The following FLVCR2 variants were observed in gnomAD, a reference collection of about 807,000 sequenced individuals.
The protein encoded by FLVCR2 is choline/ethanolamine transporter FLVCR2.
A neutral mutation model predicts 48.9 loss-of-function variants in FLVCR2; 38 were observed. The observed-to-expected ratio is 0.78, with a 90% CI of 0.60 to 1.02. The LOEUF is 1.02. FLVCR2 is among the 50% of genes least tolerant of loss of function. The pLI is 0.00. For missense variants in FLVCR2, 664 were observed against 663.3 expected, an observed-to-expected ratio of 1.00 and a Z score of -0.01; for synonymous variants, 255 against 257.0, an observed-to-expected ratio of 0.99 and a Z score of 0.07.
chr14:75,638,883 TC>T (rs1310297739), intron 5 of FLVCR2, among the ~76,000 whole-genome samples: 1 of 152,192 alleles, frequency 6.6e-6, no homozygotes, highest in East Asian at 1.9e-4. Context: ...TCAGTGTCCA[TC>T]ACCCTCATGG....
At position 75,584,697 on chromosome 14, in the gene FLVCR2, G is replaced by A. The variant is rs576091931; in HGVS notation, c.669+5056G>A. Among the ~76,000 whole-genome samples the A allele has an allele frequency of 3.9e-5, 6 of 152,288 alleles. No individual in the cohort carries two copies. The South Asian group carries it at 1.2e-3, about 32-fold the overall frequency. On this transcript the variant is annotated intron_variant, in intron 1 of 9. Transcript: ENST00000238667. ...TCCTGGAGGTCTGGCTCGTGAAGCCGGCAGTTATCAGCGTGAGATTGGGCT... is the reference window on the plus strand; with the variant it reads ...TCCTGGAGGTCTGGCTCGTGAAGCCAGCAGTTATCAGCGTGAGATTGGGCT...
Position 75,603,519 on chromosome 14 carries a change from C to CTTTATTTATTTT in FLVCR2, c.670-18560_670-18559insTTTATTTATTTT, listed in dbSNP as rs1380850388. 9.8e-5 allele frequency among the ~76,000 whole-genome samples: 15 copies of CTTTATTTATTTT among 152,340 alleles called. No individual in the cohort carries two copies. The East Asian group carries it at 2.9e-3, about 29-fold the overall frequency. On this transcript the variant is annotated intron_variant, in intron 1 of 9. Transcript: ENST00000238667. ...CTTCTATCGGCAATAAAATCCTCTG[C>CTTTATTTATTTT]ATTTACCATCTTTCAATTCGTTTGT... is the stretch of plus-strand genomic sequence containing the variant.
At chr14:75,628,831 C>T (rs1206073135) in intron 3 of FLVCR2, among the ~76,000 whole-genome samples, 4 of 152,200 alleles carry the variant, frequency 2.6e-5, no homozygotes, top group African/African-American at 9.7e-5. Context: ...TTGGAGTGTT[C>T]TGAATGGAAG....
Position 75,578,947 on chromosome 14 carries a change from C to T in FLVCR2, c.-26C>T, listed in dbSNP as rs1205098213. The T allele has an allele frequency of 1.2e-6, 2 of 1,613,034 alleles. No homozygotes were observed. The highest frequency in any genetic ancestry group is 2.2e-5 in the East Asian group (1 of 44,876). The stretch of plus-strand genomic sequence containing the variant: ...GACTGCCGGAGTCCTCACCACTTCT[C>T]CAGGATTCCAGAGGAGACTGTGGCG... On this transcript the variant is annotated 5_prime_UTR_variant, in exon 1 of 10. Coordinates refer to ENST00000238667, the MANE Select transcript of FLVCR2 (RefSeq NM_017791.3).
chr14:75,633,694 C>T lies in FLVCR2; in HGVS notation c.1018C>T (p.Pro340Ser), dbSNP rs1050918092. Residue 340 changes from proline (P) to serine (S), a missense_variant and splice_region_variant, in exon 4 of 10, where the codon CCG (proline) becomes TCG (serine). Physicochemically the swap from Pro to Ser is moderately conservative, Grantham distance 74. Coordinates refer to ENST00000238667, the MANE Select transcript of FLVCR2 (RefSeq NM_017791.3). ...GAATCGCATGGTGATCTGGCACTAC[C>T]CGGTAAGGGAGTTCCCTAAGCATGT... ...LLNRMVIWHY[P>S]GEEVNAGRIG... 5.0e-6 allele frequency: 8 copies of T among 1,612,070 alleles called. No individual in the cohort carries two copies. In the South Asian group the frequency reaches 7.7e-5, roughly 15 times the overall value.
chr14:75,607,120 G>T (rs529368674), intron 1 of FLVCR2, among the ~76,000 whole-genome samples: 1 of 152,252 alleles, frequency 6.6e-6, no homozygotes, highest in Non-Finnish European at 1.5e-5. Flanking sequence ...AGCCATGTTT[G>T]GGGCCTCCAG....
intron 5 of FLVCR2, among the ~76,000 whole-genome samples, chr14:75,636,902 T>G (rs1237754869): frequency 6.6e-6 from 1 of 152,222 alleles, no homozygotes; most frequent in Non-Finnish European, 1.5e-5. Context: ...AGCTTCATCC[T>G]GGTGAGCTTG....
chr14:75,633,014 A>G, intron 3 of FLVCR2: 1 of 701,780 alleles, frequency 1.4e-6, no homozygotes, highest in Non-Finnish European at 2.6e-6. Flanking sequence ...CTTATTCGCT[A>G]AAGATACAGC....
At chr14:75,591,528 G>A (rs781341750) in intron 1 of FLVCR2, among the ~76,000 whole-genome samples, 3 of 152,224 alleles carry the variant, frequency 2.0e-5, no homozygotes, top group Non-Finnish European at 4.4e-5. Flanking sequence ...GCTGGACATA[G>A]CCCACATGGC....
intron 1 of FLVCR2, among the ~76,000 whole-genome samples, chr14:75,598,272 A>G (rs1353994842): frequency 6.6e-6 from 1 of 152,144 alleles, no homozygotes; most frequent in Non-Finnish European, 1.5e-5. Flanking sequence ...CACCTGAGGT[A>G]CTGAAAACGT....
At chr14:75,581,469 G>A (rs1479794712) in intron 1 of FLVCR2, among the ~76,000 whole-genome samples, 1 of 152,136 alleles carries the variant, frequency 6.6e-6, no homozygotes, top group Non-Finnish European at 1.5e-5. Context: ...GACGGTAAGG[G>A]GTATGAAGGT....
At position 75,578,800 on chromosome 14, in the gene FLVCR2, C is replaced by T; in HGVS notation, c.-173C>T. 2 of 665,480 alleles carry T rather than the reference C, an allele frequency of 3.0e-6. No individual in the cohort carries two copies. The highest frequency in any genetic ancestry group is 2.7e-5 in the East Asian group (1 of 36,798). The allele number at this position is 665,480 out of a possible 1,614,324, so 41.2% of individuals were successfully genotyped here. On this transcript the variant is annotated 5_prime_UTR_variant, in exon 1 of 10. Coordinates refer to ENST00000238667, the MANE Select transcript of FLVCR2 (RefSeq NM_017791.3). ...CCCCAAGCAAAAGTGGGAGCAGGAGCTTGGAGGTGAGCACAGGAAGCCCCA... is the reference window on the plus strand; with the variant it reads ...CCCCAAGCAAAAGTGGGAGCAGGAGTTTGGAGGTGAGCACAGGAAGCCCCA...
chr14:75,614,356 T>C (rs769050320), intron 1 of FLVCR2, among the ~76,000 whole-genome samples: 2 of 152,224 alleles, frequency 1.3e-5, no homozygotes, highest in Admixed American at 1.3e-4. Flanking sequence ...CAGCTCATTC[T>C]TTCAACAACC....
chr14:75,639,645 G>C (rs1890259485), intron 6 of FLVCR2, among the ~76,000 whole-genome samples, 183 bp downstream of exon 6: 1 of 152,214 alleles, frequency 6.6e-6, no homozygotes, highest in East Asian at 1.9e-4. Flanking sequence ...TGGGCTGTCT[G>C]TTCTTTTGGG....
intron 1 of FLVCR2, among the ~76,000 whole-genome samples, chr14:75,591,915 C>G (rs1347838311): frequency 1.4e-5 from 2 of 144,766 alleles, no homozygotes; most frequent in Non-Finnish European, 1.5e-5. Flanking sequence ...GAGGCTCAAT[C>G]AATCTTCCAG....
chr14:75,595,744 A>C (rs1253802594), intron 1 of FLVCR2: 1 of 644,528 alleles, frequency 1.6e-6, no homozygotes, highest in Non-Finnish European at 2.8e-6. Flanking sequence ...GAAAGTGTTT[A>C]GTTTATTAAT....
At chr14:75,644,330 A>G (rs561105029) in intron 9 of FLVCR2, among the ~76,000 whole-genome samples, 3 of 152,338 alleles carry the variant, frequency 2.0e-5, no homozygotes, top group African/African-American at 7.2e-5. Context: ...GTATAGCTTG[A>G]TAACATTTCT....
chr14:75,641,786 G>T, intron 8 of FLVCR2, 57 bp from the exon 9 acceptor site: 1 of 1,464,094 alleles, frequency 6.8e-7, no homozygotes, highest in South Asian at 1.1e-5. Context: ...TTCTTCTCTC[G>T]GATGAACGTG....
At chr14:75,599,504 C>A (rs1040134315) in intron 1 of FLVCR2, among the ~76,000 whole-genome samples, 1 of 152,162 alleles carries the variant, frequency 6.6e-6, no homozygotes, top group Non-Finnish European at 1.5e-5. Context: ...GATTGGAAGA[C>A]TTCATGTTAA....
Sources: allele counts gnomAD v4.1 joint callset (sites outside exome capture counted in the v4.1 genomes callset), GRCh38; gene constraint gnomAD v4.1.1; transcripts MANE v1.5; gene names NCBI Gene and HGNC (gene_info 2026-07-23, HGNC 2026-07-21).